The following TMEM132C variants were observed in gnomAD, a reference collection of about 807,000 sequenced individuals.
TMEM132C encodes the protein protein phosphatase 1, regulatory subunit 152.
Under a neutral mutation model 61.4 loss-of-function variants are expected in TMEM132C, and 29 were observed. The ratio of observed to expected loss-of-function variants is 0.47; its 90% CI spans 0.35 to 0.64. The LOEUF is 0.64. Ranked by LOEUF, TMEM132C falls within the 30% of genes least tolerant of loss-of-function variation. TMEM132C has a pLI of 0.00. For missense variants in TMEM132C, 1,408 were observed against 1,476.9 expected (o/e 0.95, Z 0.76); for synonymous variants, 656 against 633.1 (o/e 1.04, Z -0.54).
intron 2 of TMEM132C, among the ~76,000 whole-genome samples, chr12:128,497,402 T>G (rs1021186639): frequency 3.9e-5 from 6 of 152,204 alleles, no homozygotes; most frequent in Non-Finnish European, 8.8e-5. Flanking sequence ...CTGCTGCCTT[T>G]TGTTTGGCTA....
intron 2 of TMEM132C, among the ~76,000 whole-genome samples, chr12:128,524,028 A>G (rs1593085408): frequency 6.7e-6 from 1 of 150,262 alleles, no homozygotes; most frequent in Non-Finnish European, 1.5e-5. Context: ...AAAAAAAAAA[A>G]AAAAAAAAAG....
rs534329170 is a variant in TMEM132C at position 128,305,264 on chromosome 12, G to A, written c.85+37777G>A. ...TCATAATAATAAAAAATTAGGCATG[G>A]TGGCTAGACCCCGACTTTAAACAGA... On this transcript the variant is annotated intron_variant, in intron 1 of 8. Coordinates refer to ENST00000435159, the MANE Select transcript of TMEM132C (RefSeq NM_001136103.3). 5.9e-5 allele frequency among the ~76,000 whole-genome samples: 9 copies of A among 152,104 alleles called. No individual in the cohort carries two copies. The East Asian group carries it at 1.5e-3, about 26-fold the overall frequency.
At chr12:128,464,239 C>A (rs1870643569) in intron 2 of TMEM132C, among the ~76,000 whole-genome samples, 1 of 152,188 alleles carries the variant, frequency 6.6e-6, no homozygotes, top group South Asian at 2.1e-4. Flanking sequence ...TTAAATGGTG[C>A]TTCCAAGGGT....
At chr12:128,487,588 A>AGTGT (rs1002272811) in intron 2 of TMEM132C, among the ~76,000 whole-genome samples, 1 of 118,590 alleles carries the variant, frequency 8.4e-6, no homozygotes, top group African/African-American at 3.3e-5. Context: ...GGTGTGTATG[A>AGTGT]GTGTGTGTGT....
At chr12:128,553,049 G>A (rs1874225026) in intron 3 of TMEM132C, among the ~76,000 whole-genome samples, 2 of 152,342 alleles carry the variant, frequency 1.3e-5, no homozygotes, top group Middle Eastern at 3.4e-3. Flanking sequence ...ACACACGAGA[G>A]TGCAAGGGTG....
At chr12:128,555,001 C>T (rs1593098443) in intron 3 of TMEM132C, among the ~76,000 whole-genome samples, 1 of 152,194 alleles carries the variant, frequency 6.6e-6, no homozygotes, top group Admixed American at 6.5e-5. Flanking sequence ...GATGCCTCTC[C>T]TGTTCTTCCC....
intron 2 of TMEM132C, among the ~76,000 whole-genome samples, chr12:128,464,916 G>A (rs562479625): frequency 6.6e-6 from 1 of 152,304 alleles, no homozygotes; most frequent in South Asian, 2.1e-4. Context: ...ACAACGGTGA[G>A]GGGTGTACAT....
intron 1 of TMEM132C, among the ~76,000 whole-genome samples, chr12:128,286,023 TTC>T (rs1317374946): frequency 5.2e-5 from 3 of 58,086 alleles, no homozygotes; most frequent in African/African-American, 1.3e-4. Flanking sequence ...CTCTCTCCCT[TTC>T]TCTCTTTCTC....
chr12:128,476,202 T>C lies in TMEM132C; in HGVS notation c.974+60582T>C, dbSNP rs555856014. On this transcript the variant is annotated intron_variant, in intron 2 of 8. Coordinates refer to ENST00000435159, the MANE Select transcript of TMEM132C (RefSeq NM_001136103.3). The stretch of plus-strand genomic sequence containing the variant: ...CAAAAAAGGCTGTCCATTGGATTAA[T>C]TCGCTTGGAATGAAAACAGCAATGT... 2.0e-3 allele frequency among the ~76,000 whole-genome samples: 297 copies of C among 152,282 alleles called. 3 individuals are homozygous for C. Among genetic ancestry groups the C allele is most frequent in the South Asian group, 0.017 (80 of 4,822 alleles).
rs76399310 is a variant in TMEM132C, at chr12:128,607,521, G to A, written c.1122-8631G>A. On this transcript the variant is annotated intron_variant, in intron 3 of 8. Transcript: ENST00000435159. ...TCCCAGTTAGGAGGCATTGAAGTGA[G>A]CCAGGTAAGAGATGATGGTTGCTTG... 6.6e-5 allele frequency among the ~76,000 whole-genome samples: 10 copies of A among 152,334 alleles called. No individual in the cohort carries two copies. In the East Asian group the frequency reaches 1.7e-3, roughly 26 times the overall value.
chr12:128,478,741 C>G (rs558524963), intron 2 of TMEM132C, among the ~76,000 whole-genome samples: 1 of 152,296 alleles, frequency 6.6e-6, no homozygotes, highest in East Asian at 1.9e-4. Context: ...GAACTATTTG[C>G]ACACCAGATA....
rs537960273 is a variant in TMEM132C, at chr12:128,695,718, C to T, written c.1656-112C>T. On this transcript the variant is annotated intron_variant, in intron 6 of 8. Coordinates refer to ENST00000435159, the MANE Select transcript of TMEM132C (RefSeq NM_001136103.3). ...CTTGGTGCCCCTTGCATGGTCCTGG[C>T]GCTCGTGTCTTCAATGTGGTCTCCT... 43 of 1,224,956 alleles carry T rather than the reference C, an allele frequency of 3.5e-5. No individual in the cohort carries two copies. In the Admixed American group the frequency reaches 5.4e-4, roughly 15 times the overall value. The allele number at this position is 1,224,956 out of a possible 1,614,324, so 75.9% of individuals were successfully genotyped here.
chr12:128,365,638 G>A (rs1279108296), intron 1 of TMEM132C, among the ~76,000 whole-genome samples: 1 of 152,184 alleles, frequency 6.6e-6, no homozygotes, highest in African/African-American at 2.4e-5. Flanking sequence ...TTTAGCCGTG[G>A]TTGTTGGAGT....
chr12:128,594,362 C>A (rs952246228), intron 3 of TMEM132C, among the ~76,000 whole-genome samples: 1 of 148,188 alleles, frequency 6.7e-6, no homozygotes, highest in African/African-American at 2.5e-5. Flanking sequence ...CCATCCCCTG[C>A]CCCCCAACCC....
intron 2 of TMEM132C, among the ~76,000 whole-genome samples, chr12:128,491,402 C>G (rs1871714423): frequency 6.6e-6 from 1 of 152,184 alleles, no homozygotes; most frequent in South Asian, 2.1e-4. Flanking sequence ...CAGCACGGAG[C>G]AGCACATACA....
intron 2 of TMEM132C, among the ~76,000 whole-genome samples, chr12:128,509,883 G>A (rs868447797): frequency 9.9e-5 from 15 of 152,196 alleles, no homozygotes; most frequent in South Asian, 2.1e-4. Flanking sequence ...GGAAAAGAAC[G>A]TATTATTCTG....
At chr12:128,641,609 A>C (rs1954158315) in intron 4 of TMEM132C, among the ~76,000 whole-genome samples, 1 of 152,258 alleles carries the variant, frequency 6.6e-6, no homozygotes, top group East Asian at 1.9e-4. Context: ...TGGAAGAGGC[A>C]AGGAAGAAAC....
At chr12:128,674,370 C>T (rs1372717257) in intron 5 of TMEM132C, among the ~76,000 whole-genome samples, 1 of 152,164 alleles carries the variant, frequency 6.6e-6, no homozygotes, top group East Asian at 1.9e-4. Context: ...TGGGTTGTTT[C>T]CACTTTTCAG....
intron 2 of TMEM132C, among the ~76,000 whole-genome samples, chr12:128,532,323 A>G (rs1329809255): frequency 6.6e-6 from 1 of 152,014 alleles, no homozygotes; most frequent in Non-Finnish European, 1.5e-5. Context: ...AAAACTTTAG[A>G]CAACAATAAC....
Sources: allele counts gnomAD v4.1 joint callset (sites outside exome capture counted in the v4.1 genomes callset), GRCh38; gene constraint gnomAD v4.1.1; transcripts MANE v1.5; gene names NCBI Gene and HGNC (gene_info 2026-07-23, HGNC 2026-07-21).